PEX11G: variants seen among roughly 807,000 people sequenced by gnomAD.
PEX11G encodes the protein peroxisomal membrane protein 11C.
PEX11G carries 20 observed loss-of-function variants against 22.5 expected under a neutral mutation model. The ratio of observed to expected loss-of-function variants is 0.89; its 90% confidence interval spans 0.62 to 1.29. The LOEUF is 1.29. Among genes scored for constraint, PEX11G ranks in the 50% most tolerant of loss-of-function variants. The probability of loss-of-function intolerance (pLI) is 0.00; values close to 1 mark genes in which losing one functional copy is unlikely to be tolerated. For synonymous variants in PEX11G, 141 were observed against 154.5 expected, an observed-to-expected ratio of 0.91 and a Z score of 0.65; for missense variants, 347 against 331.3, an observed-to-expected ratio of 1.05 and a Z score of -0.37.
intron 1 of PEX11G, 72 bp downstream of exon 1, chr19:7,488,879 C>G: frequency 6.7e-7 from 1 of 1,494,350 alleles, no homozygotes; most frequent in Non-Finnish European, 9.1e-7. Context: ...CGTCCCCTCT[C>G]TGGCCCGTTT....
At chr19:7,482,349 G>T in intron 2 of PEX11G, 138 bp from the exon 3 acceptor site, 1 of 1,015,458 alleles carries the variant, frequency 9.8e-7, no homozygotes, top group Non-Finnish European at 1.4e-6. Flanking sequence ...AGGCCCCGCG[G>T]GAGAAAGGCT....
chr19:7,477,207 G>C lies in PEX11G; in HGVS notation c.721C>G (p.Pro241Ala), dbSNP rs1198465777. ...CCTGTGCTCTTCCGGCAGTGTCAGGGGGTAGTGGCCTCGGCCTGGCCGCCG... is the reference window on the plus strand; with the variant it reads ...CCTGTGCTCTTCCGGCAGTGTCAGGCGGTAGTGGCCTCGGCCTGGCCGCCG... The part of the protein sequence containing the change: ...RAGGQAEATT[P>A] Residue 241 changes from proline (P) to alanine (A), a missense_variant, in exon 5 of 5, where the codon CCC becomes GCC. By Grantham distance (27) the Pro-to-Ala change is conservative (BLOSUM62 -1). Transcript: ENST00000221480. 1 of 1,498,874 alleles carries C rather than the reference G, an allele frequency of 6.7e-7. No individual in the cohort carries two copies. The highest frequency in any genetic ancestry group is 8.9e-7 in the Non-Finnish European group (1 of 1,127,292). The allele number at this position is 1,498,874 out of a possible 1,614,324, so 92.8% of individuals were successfully genotyped here. A position where few individuals can be genotyped will look rare whatever the true frequency, so the allele number is the denominator to read the frequency against.
At chr19:7,483,051 A>G (rs926182411) in intron 2 of PEX11G, among the ~76,000 whole-genome samples, 2 of 151,884 alleles carry the variant, frequency 1.3e-5, no homozygotes, top group African/African-American at 2.4e-5. Flanking sequence ...CCCGCAGCCA[A>G]CCGGGGGACC....
chr19:7,488,225 AC>A (rs2021751175), intron 1 of PEX11G, among the ~76,000 whole-genome samples: 1 of 152,292 alleles, frequency 6.6e-6, no homozygotes, highest in African/African-American at 2.4e-5. Context: ...TAAATGACCA[AC>A]TGGGGTTTTG....
chr19:7,492,153 T>TG (rs1296070049), upstream of PEX11G, among the ~76,000 whole-genome samples: 2 of 152,204 alleles, frequency 1.3e-5, no homozygotes, highest in Non-Finnish European at 2.9e-5. Context: ...AATATGTAGT[T>TG]GGAGTCCCTG....
At chr19:7,491,297 TCTCA>T, upstream of PEX11G, among the ~76,000 whole-genome samples, 1 of 132,998 alleles carries the variant, frequency 7.5e-6, no homozygotes, top group Non-Finnish European at 1.5e-5. Context: ...TGAGACAGAG[TCTCA>T]CTCTGTCACC....
upstream of PEX11G, chr19:7,489,428 T>G: frequency 3.0e-6 from 3 of 1,004,980 alleles, no homozygotes; most frequent in Non-Finnish European, 3.6e-6. Context: ...CTGCCCGTAG[T>G]GAGCAGGAAT....
intron 1 of PEX11G, among the ~76,000 whole-genome samples, chr19:7,486,497 C>G (rs1187731443): frequency 1.3e-5 from 2 of 152,142 alleles, no homozygotes; most frequent in Non-Finnish European, 2.9e-5. Flanking sequence ...CACAGTGGCT[C>G]ACACCTGTAA....
intron 1 of PEX11G, among the ~76,000 whole-genome samples, chr19:7,494,462 G>C (rs1051058936): frequency 1.1e-4 from 17 of 152,218 alleles, no homozygotes; most frequent in African/African-American, 3.9e-4. Flanking sequence ...TGGCCGCAAA[G>C]CCTGCTGCTG....
At position 7,485,855 on chromosome 19, in the gene PEX11G, A is replaced by G; in HGVS notation, c.232T>C (p.Tyr78His). 1 of 1,604,420 alleles carries G rather than the reference A, an allele frequency of 6.2e-7. No homozygotes were observed. Among genetic ancestry groups the G allele is most frequent in the Non-Finnish European group, 8.5e-7 (1 of 1,172,130 alleles). The change falls in exon 2 of 5, where the codon TAT (tyrosine) becomes CAT (histidine). Residue 78 changes from tyrosine to histidine, a missense_variant. Coordinates refer to ENST00000221480, the MANE Select transcript of PEX11G (RefSeq NM_080662.4). ...DLAMFVYTKQ[Y>H]GLGAQEEDAF... is the part of the protein sequence containing the mutation. ...CCTGTTACCTGTGCCCCCAGGCCAT[A>G]TTGCTTAGTGTAGACAAACATGGCC... is the stretch of plus-strand genomic sequence containing the variant.
chr19:7,478,948 G>A (rs920782951), intron 3 of PEX11G, among the ~76,000 whole-genome samples: 15 of 152,236 alleles, frequency 9.9e-5, no homozygotes, highest in Admixed American at 3.3e-4. Flanking sequence ...CTCCCAGCAG[G>A]CTCTGCAGCC....
intron 1 of PEX11G, among the ~76,000 whole-genome samples, chr19:7,486,729 A>C (rs1287885372): frequency 6.6e-6 from 1 of 151,948 alleles, no homozygotes; most frequent in African/African-American, 2.4e-5. Context: ...CCTCCCGAGT[A>C]GCTGGGACTA....
chr19:7,485,729 A>G, intron 2 of PEX11G, 109 bp downstream of exon 2: 2 of 1,029,660 alleles, frequency 1.9e-6, no homozygotes, highest in Non-Finnish European at 2.8e-6. Context: ...TTGGCCTCAC[A>G]AAGTGCTGGG....
Position 7,482,027 on chromosome 19 carries a change from A to G in PEX11G, c.428+6T>C, listed in dbSNP as rs1977510069. 2 of 1,587,956 alleles carry G rather than the reference A, an allele frequency of 1.3e-6. No homozygotes were observed. Among genetic ancestry groups the G allele is most frequent in the Non-Finnish European group, 1.7e-6 (2 of 1,168,580 alleles). On this transcript the variant is annotated splice_donor_region_variant and intron_variant, in intron 3 of 4. Coordinates refer to ENST00000221480, the MANE Select transcript of PEX11G (RefSeq NM_080662.4). Reference sequence around the variant, plus strand: ...TGGGTGCTCCCTTCTGGCCCATGCCACTTACCTGGCAACCCCCAGGAGCAG... The same window carrying G: ...TGGGTGCTCCCTTCTGGCCCATGCCGCTTACCTGGCAACCCCCAGGAGCAG...
At position 7,488,933 on chromosome 19, in the gene PEX11G, G is replaced by T. The variant is rs1339621890; in HGVS notation, c.60+18C>A. On this transcript the variant is annotated intron_variant, in intron 1 of 4. Coordinates refer to ENST00000221480, the MANE Select transcript of PEX11G (RefSeq NM_080662.4). ...GCCAAACTCTAGGACCTCCGGCCCC[G>T]GTCCGCCCCTGCCTCACCAGGCGGT... The T allele has an allele frequency of 6.5e-7, 1 of 1,549,080 alleles. No individual in the cohort carries two copies. Among genetic ancestry groups the T allele is most frequent in the Non-Finnish European group, 8.7e-7 (1 of 1,147,594 alleles).
At chr19:7,479,234 G>A (rs746030788) in intron 3 of PEX11G, among the ~76,000 whole-genome samples, 2 of 152,152 alleles carry the variant, frequency 1.3e-5, no homozygotes, top group Admixed American at 6.5e-5. Context: ...CTGTAATCCC[G>A]GGACTTTGGG....
intron 4 of PEX11G, among the ~76,000 whole-genome samples, chr19:7,477,712 A>T (rs968311905): frequency 3.3e-5 from 5 of 152,178 alleles, no homozygotes; most frequent in Non-Finnish European, 7.3e-5. Context: ...CCTTGTGAAA[A>T]ACAGAAAGCA....
At chr19:7,485,623 G>A (rs1599219957) in intron 2 of PEX11G, among the ~76,000 whole-genome samples, 1 of 152,126 alleles carries the variant, frequency 6.6e-6, no homozygotes, top group African/African-American at 2.4e-5. Context: ...CCAAAGTGCT[G>A]GGATTACAGG....
chr19:7,485,590 C>T (rs889402617), intron 2 of PEX11G, among the ~76,000 whole-genome samples: 2 of 151,806 alleles, frequency 1.3e-5, no homozygotes, highest in African/African-American at 2.4e-5. Context: ...CTCCTGACCT[C>T]GTGATCCGCT....
Sources: gnomAD v4.1 joint callset for allele counts (sites outside exome capture counted in the v4.1 genomes callset) on GRCh38, gnomAD v4.1.1 for gene constraint, MANE v1.5 for transcripts, NCBI Gene and HGNC (gene_info 2026-07-23, HGNC 2026-07-21) for gene names.